Variants in PDZD9 observed in about 807,000 individuals in gnomAD.
PDZD9 encodes PDZ domain-containing protein 9.
PDZD9 carries 13 observed loss-of-function variants against 16.3 expected under a neutral mutation model. That is an observed-to-expected ratio of 0.80 (90% confidence interval 0.52 to 1.27). PDZD9 has a LOEUF of 1.27. Ranked by LOEUF, PDZD9 falls within the 50% of genes most tolerant of loss-of-function variation. The pLI is 0.00. For synonymous variants in PDZD9, 120 were observed against 111.0 expected (o/e 1.08, Z -0.51); for missense variants, 288 against 310.9 (o/e 0.93, Z 0.55).
At chr16:21,963,156 T>G in the PDZD9 span, 1 of 225,594 alleles carries the variant, frequency 4.4e-6, no homozygotes, top group East Asian at 1.0e-4. Context: ...ACCTGGCTAA[T>G]TTTTTGTATT....
the PDZD9 span, chr16:21,965,470 C>G: frequency 1.2e-6 from 2 of 1,612,734 alleles, no homozygotes; most frequent in East Asian, 4.5e-5. Flanking sequence ...CTTGTATTGT[C>G]CTGACTATAG....
chr16:21,987,493 C>T (rs562599868), intron 3 of PDZD9, among the ~76,000 whole-genome samples: 1 of 152,084 alleles, frequency 6.6e-6, no homozygotes, highest in African/African-American at 2.4e-5. Flanking sequence ...TCATAGAAAC[C>T]ACAGGCATCA....
chr16:21,985,814 A>G (rs142592912), intron 3 of PDZD9, among the ~76,000 whole-genome samples: 4 of 152,340 alleles, frequency 2.6e-5, no homozygotes, highest in African/African-American at 9.6e-5. Context: ...CCAAAAGTTT[A>G]TCTCTTCCAG....
At chr16:21,957,548 G>C in the PDZD9 span, 5 of 1,614,118 alleles carry the variant, frequency 3.1e-6, no homozygotes, top group Non-Finnish European at 4.2e-6. Context: ...CCCATTTGCT[G>C]CGTCTTACAT....
the PDZD9 span, chr16:21,971,749 T>G: frequency 1.5e-6 from 2 of 1,302,900 alleles, no homozygotes; most frequent in African/African-American, 2.9e-5. Flanking sequence ...ATGGCTTGGG[T>G]GTTGTATTTT....
chr16:21,998,777 C>CA (rs541730674), intron 1 of PDZD9: 8,284 of 49,940 alleles, frequency 0.17, 606 homozygotes, highest in African/African-American at 0.3. Context: ...GACTCCATCT[C>CA]AAAAAAAAAA....
At chr16:21,992,577 G>A (rs1224582659) in intron 2 of PDZD9, among the ~76,000 whole-genome samples, 1 of 152,194 alleles carries the variant, frequency 6.6e-6, no homozygotes, top group Non-Finnish European at 1.5e-5. Context: ...GAGCAGACTT[G>A]CTGAGTCTTC....
chr16:21,997,849 A>T (rs1899188948), intron 1 of PDZD9, among the ~76,000 whole-genome samples: 1 of 152,142 alleles, frequency 6.6e-6, no homozygotes, highest in South Asian at 2.1e-4. Context: ...ACTCCTTTCC[A>T]TAAGGACAGG....
chr16:21,980,882 G>A (rs1056251044), downstream of PDZD9, among the ~76,000 whole-genome samples: 2 of 152,108 alleles, frequency 1.3e-5, no homozygotes, highest in Non-Finnish European at 2.9e-5. Flanking sequence ...CTGTCAGCTC[G>A]AGTATATGTA....
chr16:21,991,426 A>G (rs1899019433), intron 2 of PDZD9, among the ~76,000 whole-genome samples: 1 of 152,138 alleles, frequency 6.6e-6, no homozygotes, highest in South Asian at 2.1e-4. Context: ...TTTTATTGAA[A>G]TGGGGTTTTG....
At chr16:21,959,267 T>G in the PDZD9 span, 1 of 160,452 alleles carries the variant, frequency 6.2e-6, no homozygotes, top group Non-Finnish European at 1.4e-5. Flanking sequence ...TCAAAATTAG[T>G]CAGTCATCTC....
At chr16:21,974,079 A>G in the PDZD9 span, 5 of 1,024,162 alleles carry the variant, frequency 4.9e-6, no homozygotes, top group South Asian at 4.5e-5. Flanking sequence ...ATGCAGTGCA[A>G]TGACTTATCA....
the PDZD9 span, chr16:21,962,334 T>C: frequency 5.6e-5 from 63 of 1,115,342 alleles, no homozygotes; most frequent in Non-Finnish European, 7.9e-5. Flanking sequence ...AGTTTTGTTA[T>C]ATTATTGTTC....
At chr16:21,971,612 A>C in the PDZD9 span, 2 of 1,613,944 alleles carry the variant, frequency 1.2e-6, no homozygotes, top group Non-Finnish European at 1.7e-6. Context: ...AAGGCCAACT[A>C]CCGTGGAGGT....
At chr16:21,995,770 G>A (rs1899133989) in intron 2 of PDZD9, among the ~76,000 whole-genome samples, 1 of 151,900 alleles carries the variant, frequency 6.6e-6, no homozygotes, top group Non-Finnish European at 1.5e-5. Context: ...GCTAATTTTT[G>A]TATTTGTATT....
downstream of PDZD9, chr16:21,980,320 T>C: frequency 2.1e-6 from 1 of 486,804 alleles, no homozygotes; most frequent in Non-Finnish European, 3.6e-6. Context: ...GGGCCCTCAA[T>C]TGGACACTTT....
chr16:21,976,208 A>G, the PDZD9 span: 1 of 1,614,092 alleles, frequency 6.2e-7, no homozygotes, highest in Non-Finnish European at 8.5e-7. Context: ...CAATAGCTCA[A>G]GGAAACCTTT....
At chr16:21,961,945 G>A in the PDZD9 span, among the ~76,000 whole-genome samples, 3 of 151,750 alleles carry the variant, frequency 2.0e-5, no homozygotes, top group Non-Finnish European at 4.4e-5. Context: ...GAGCCACTGC[G>A]CCCGGCCCAA....
chr16:21,965,479 A>G, the PDZD9 span: 1 of 1,607,202 alleles, frequency 6.2e-7, no homozygotes, highest in African/African-American at 1.3e-5. Flanking sequence ...TCCTGACTAT[A>G]GGATTGGAAA....
Sources: allele counts gnomAD v4.1 joint callset (sites outside exome capture counted in the v4.1 genomes callset), GRCh38; gene constraint gnomAD v4.1.1; transcripts MANE v1.5; gene names NCBI Gene and HGNC (gene_info 2026-07-23, HGNC 2026-07-21).